PARD3B: variants seen among roughly 807,000 people sequenced by gnomAD.
The protein encoded by PARD3B is partitioning defective 3 homolog B.
Under a neutral mutation model 130.2 loss-of-function variants are expected in PARD3B, and 103 were observed. That is an observed-to-expected ratio of 0.79 (90% CI 0.67 to 0.93). PARD3B has a LOEUF of 0.93. PARD3B is among the 40% of genes least tolerant of loss of function. PARD3B has a pLI of 0.00. For synonymous variants in PARD3B, 583 were observed against 553.2 expected (o/e 1.05, Z -0.76); for missense variants, 1,609 against 1,499.2 (o/e 1.07, Z -1.21).
intron 2 of PARD3B, among the ~76,000 whole-genome samples, chr2:204,794,124 T>C (rs991559140): frequency 6.6e-6 from 1 of 152,104 alleles, no homozygotes; most frequent in Non-Finnish European, 1.5e-5. Context: ...TGAGGGTACT[T>C]TGGGGTTTCA....
intron 2 of PARD3B, among the ~76,000 whole-genome samples, chr2:204,705,352 A>G (rs1426325769): frequency 6.6e-6 from 1 of 152,198 alleles, no homozygotes; most frequent in Non-Finnish European, 1.5e-5. Context: ...GGTAATGGCT[A>G]TAAAGACACA....
At chr2:204,559,711 T>A (rs2125053483) in intron 1 of PARD3B, among the ~76,000 whole-genome samples, 1 of 152,338 alleles carries the variant, frequency 6.6e-6, no homozygotes, top group Middle Eastern at 3.4e-3. Context: ...GGATTATAAA[T>A]CATGCTGCTA....
chr2:205,447,801 G>T (rs1394211201), intron 20 of PARD3B, among the ~76,000 whole-genome samples: 1 of 152,216 alleles, frequency 6.6e-6, no homozygotes, highest in African/African-American at 2.4e-5. Flanking sequence ...GCATACTTCA[G>T]TGACAAAATT....
intron 2 of PARD3B, among the ~76,000 whole-genome samples, chr2:204,827,692 A>G (rs1296043228): frequency 3.3e-5 from 5 of 152,250 alleles, no homozygotes; most frequent in African/African-American, 1.2e-4. Context: ...CTGTCAAGAT[A>G]AATTCCAAGC....
At chr2:205,289,524 G>C (rs2041523534) in intron 16 of PARD3B, among the ~76,000 whole-genome samples, 2 of 152,148 alleles carry the variant, frequency 1.3e-5, no homozygotes, top group Non-Finnish European at 2.9e-5. Context: ...TGAGAGGTAA[G>C]AGCCTCACCT....
At chr2:205,062,331 G>A (rs1371941161) in intron 4 of PARD3B, among the ~76,000 whole-genome samples, 4 of 152,134 alleles carry the variant, frequency 2.6e-5, no homozygotes, top group Non-Finnish European at 5.9e-5. Context: ...TCAGACATGA[G>A]TCACAGAGAG....
At chr2:204,636,453 A>AGT (rs10596741) in intron 1 of PARD3B, among the ~76,000 whole-genome samples, 10,784 of 139,354 alleles carry the variant, frequency 0.077, 698 homozygotes, top group African/African-American at 0.18. Context: ...AGGTCAGGTG[A>AGT]GTGTGTGTGT....
intron 22 of PARD3B, among the ~76,000 whole-genome samples, chr2:205,583,418 T>TGA (rs60619288): frequency 2.0e-5 from 3 of 151,378 alleles, no homozygotes; most frequent in African/African-American, 4.9e-5. Flanking sequence ...CACGCGCGTG[T>TGA]GAGAGAGAGA....
chr2:204,666,845 C>T (rs1281416964), intron 1 of PARD3B, among the ~76,000 whole-genome samples: 1 of 152,054 alleles, frequency 6.6e-6, no homozygotes, highest in African/African-American at 2.4e-5. Context: ...GTTTGGGAGC[C>T]ATCCAGGTTA....
chr2:204,824,432 A>G (rs561071894), intron 2 of PARD3B, among the ~76,000 whole-genome samples: 6 of 152,216 alleles, frequency 3.9e-5, no homozygotes, highest in Admixed American at 1.3e-4. Flanking sequence ...TTGCTTCTTT[A>G]GGAATAGCTC....
chr2:204,934,517 C>T (rs1688263328), intron 2 of PARD3B, among the ~76,000 whole-genome samples: 1 of 152,280 alleles, frequency 6.6e-6, no homozygotes, highest in East Asian at 1.9e-4. Context: ...CTCAATTACA[C>T]TCAGTGACGT....
chr2:205,372,105 A>AAT (rs2044842086), intron 18 of PARD3B, among the ~76,000 whole-genome samples: 1 of 152,234 alleles, frequency 6.6e-6, no homozygotes, highest in Non-Finnish European at 1.5e-5. Context: ...TATTGTAAAT[A>AAT]ATAATGCTAT....
At chr2:205,427,504 T>A (rs1230038652) in intron 19 of PARD3B, among the ~76,000 whole-genome samples, 2 of 152,202 alleles carry the variant, frequency 1.3e-5, no homozygotes, top group Non-Finnish European at 2.9e-5. Flanking sequence ...TGTTCTTCTG[T>A]CTATTACTAT....
rs1559459459 is a variant in PARD3B, at chr2:205,121,599, A to AT, written c.816dup (p.Val273CysfsTer22). 6.2e-7 allele frequency: 1 copy of AT among 1,612,168 alleles called. No homozygotes were observed. Among genetic ancestry groups the AT allele is most frequent in the Admixed American group, 1.7e-5 (1 of 59,962 alleles). On this transcript the variant is annotated frameshift_variant, in exon 8 of 23. Coordinates refer to ENST00000406610, the MANE Select transcript of PARD3B (RefSeq NM_001302769.2). LOFTEE classifies it high-confidence loss of function. The surrounding 1 kb of genome is among the most constrained non-coding windows in gnomAD (Gnocchi z 5.0). ...ATCAACTTTCTTTCCAGGGCTCAAG[A>AT]TGTCTTCCGCCAGGCAATGAAATCT...
Position 205,142,529 on chromosome 2 carries a change from A to G in PARD3B, c.1435-16193A>G, listed in dbSNP as rs1559480165. On this transcript the variant is annotated intron_variant, in intron 10 of 22. Transcript: ENST00000406610. The surrounding 1 kb of genome is among the most constrained non-coding windows in gnomAD (Gnocchi z 4.3). ...CTGCTGGATGCTAAACAGGAATCAA[A>G]GTTGAATTAAACATAATTTCTGCCC... is the stretch of plus-strand genomic sequence containing the variant. 6.6e-6 allele frequency among the ~76,000 whole-genome samples: 1 copy of G among 152,168 alleles called. No individual in the cohort carries two copies. Among genetic ancestry groups the G allele is most frequent in the Non-Finnish European group, 1.5e-5 (1 of 68,024 alleles).
At position 204,890,202 on chromosome 2, in the gene PARD3B, A is replaced by G. The variant is rs58659560; in HGVS notation, c.223-74950A>G. ...TGGCTGGCAGTCTAGGCACAGTGTC[A>G]ATGCTGTGGTGGCCCTAGTGTGTAC... On this transcript the variant is annotated intron_variant, in intron 2 of 22. Coordinates refer to ENST00000406610, the MANE Select transcript of PARD3B (RefSeq NM_001302769.2). This position sits in a 1 kb window ranked among gnomAD's most constrained non-coding sequence, Gnocchi z 4.9. 0.021 allele frequency among the ~76,000 whole-genome samples: 3,227 copies of G among 152,312 alleles called. 115 individuals are homozygous for G. Among genetic ancestry groups the G allele is most frequent in the African/African-American group, 0.073 (3,053 of 41,562 alleles).
chr2:204,801,064 G>C (rs2042550496), intron 2 of PARD3B, among the ~76,000 whole-genome samples: 1 of 151,970 alleles, frequency 6.6e-6, no homozygotes, highest in East Asian at 1.9e-4. Context: ...CTGTTTCATT[G>C]GTCTACATAT....
At chr2:204,971,899 T>A (rs1336796275) in intron 3 of PARD3B, among the ~76,000 whole-genome samples, 1 of 150,518 alleles carries the variant, frequency 6.6e-6, no homozygotes, top group Non-Finnish European at 1.5e-5. Context: ...CATGAACTCC[T>A]GGCCTCAAGC....
chr2:204,956,722 TAACTC>T lies in PARD3B; in HGVS notation c.223-8427_223-8423del, dbSNP rs1199193297. ...ATCTTTGAGAATCTTCCAGACAGTT[TAACTC>T]AAGTTTTTTATTTCCACCTTTGCAT... On this transcript the variant is annotated intron_variant, in intron 2 of 22. Coordinates refer to ENST00000406610, the MANE Select transcript of PARD3B (RefSeq NM_001302769.2). Among the ~76,000 whole-genome samples, 3 of 152,200 alleles carry T rather than the reference TAACTC, an allele frequency of 2.0e-5. No individual in the cohort carries two copies. In the East Asian group the frequency reaches 5.8e-4, roughly 29 times the overall value.
Sources: gnomAD v4.1 joint callset for allele counts (sites outside exome capture counted in the v4.1 genomes callset) on GRCh38, gnomAD v4.1.1 for gene constraint, Gnocchi (gnomAD v3.1) non-coding constraint, MANE v1.5 for transcripts, NCBI Gene and HGNC (gene_info 2026-07-23, HGNC 2026-07-21) for gene names.